Variants in GABRG3 observed in about 807,000 individuals in gnomAD.
The protein encoded by GABRG3 is gamma-aminobutyric acid type A receptor subunit gamma3.
A neutral mutation model predicts 48.8 loss-of-function variants in GABRG3; 25 were observed. That is an observed-to-expected ratio of 0.51 (90% CI 0.37 to 0.72). GABRG3 has a LOEUF of 0.72. Among genes scored for constraint, GABRG3 ranks in the 30% least tolerant of loss-of-function variants. The pLI, the probability that GABRG3 is intolerant of heterozygous loss-of-function variation, is 0.00. For missense variants in GABRG3, 394 were observed against 577.9 expected, an observed-to-expected ratio of 0.68 and a Z score of 3.26; for synonymous variants, 227 against 217.6, an observed-to-expected ratio of 1.04 and a Z score of -0.38.
intron 3 of GABRG3, among the ~76,000 whole-genome samples, chr15:27,152,782 T>C (rs1254399027): frequency 6.6e-6 from 1 of 152,210 alleles, no homozygotes; most frequent in African/African-American, 2.4e-5. Flanking sequence ...TCAGCAATTA[T>C]TTGACACCAG....
intron 5 of GABRG3, among the ~76,000 whole-genome samples, chr15:27,453,374 T>C (rs912652824): frequency 5.3e-5 from 8 of 152,160 alleles, no homozygotes; most frequent in African/African-American, 1.9e-4. Context: ...GCAATGTATA[T>C]CAAAATCTCA....
rs1239769788 is a variant in GABRG3, at chr15:27,534,514, C to A, written c.*1633C>A. ...CTTTGGCATTGTTAAAATTTGAAAC[C>A]AGAATCTCTGTGCTTCTCATCTTTC... On this transcript the variant is annotated 3_prime_UTR_variant, in exon 10 of 10. Transcript: ENST00000615808. 6.6e-6 allele frequency: 1 copy of A among 152,180 alleles called. No homozygotes were observed. The highest frequency in any genetic ancestry group is 1.9e-4 in the East Asian group (1 of 5,194). The allele number at this position is 152,180 out of a possible 1,614,324, so 9.4% of individuals were successfully genotyped here.
rs1337303044 is a variant in GABRG3 at position 27,236,320 on chromosome 15, T to G, written c.271-90489T>G. Among the ~76,000 whole-genome samples, 2 of 152,084 alleles carry G rather than the reference T, an allele frequency of 1.3e-5. No individual in the cohort carries two copies. The highest frequency in any genetic ancestry group is 4.8e-5 in the African/African-American group (2 of 41,394). ...GGGAGACTGAAGAGCAGAGCTGAGC[T>G]TCTGAGAAATAAGCATCAAATGCTA... On this transcript the variant is annotated intron_variant, in intron 3 of 9. Coordinates refer to ENST00000615808, the MANE Select transcript of GABRG3 (RefSeq NM_033223.5). The surrounding 1 kb of genome is among the most constrained non-coding windows in gnomAD (Gnocchi z 4.4).
At chr15:27,317,784 G>GT (rs145104959) in intron 3 of GABRG3, among the ~76,000 whole-genome samples, 3,034 of 152,144 alleles carry the variant, frequency 0.02, 101 homozygotes, top group African/African-American at 0.068. Flanking sequence ...TGATTGAGAG[G>GT]TTTTTTCAAG....
intron 5 of GABRG3, among the ~76,000 whole-genome samples, chr15:27,462,321 G>A (rs1037640454): frequency 5.9e-5 from 9 of 152,160 alleles, no homozygotes; most frequent in African/African-American, 2.2e-4. Flanking sequence ...TATTTCTGCA[G>A]CATTTAGAAA....
chr15:27,329,204 C>G (rs1175718772), intron 5 of GABRG3, among the ~76,000 whole-genome samples: 1 of 152,152 alleles, frequency 6.6e-6, no homozygotes, highest in Non-Finnish European at 1.5e-5. Flanking sequence ...TGGAAGTATA[C>G]AAAATTCCTA....
At chr15:27,172,376 T>C (rs1319207187) in intron 3 of GABRG3, among the ~76,000 whole-genome samples, 1 of 151,938 alleles carries the variant, frequency 6.6e-6, no homozygotes, top group Admixed American at 6.6e-5. Flanking sequence ...GGCTCTAGAG[T>C]TCCTCTGGGG....
chr15:27,092,019 A>T (rs189828248), intron 3 of GABRG3, among the ~76,000 whole-genome samples: 1 of 152,244 alleles, frequency 6.6e-6, no homozygotes, highest in East Asian at 1.9e-4. Context: ...CTGCTCCACC[A>T]CTTTTGCTGA....
intron 3 of GABRG3, among the ~76,000 whole-genome samples, chr15:27,050,391 C>G (rs1036348016): frequency 1.3e-5 from 2 of 152,182 alleles, no homozygotes; most frequent in African/African-American, 4.8e-5. Flanking sequence ...GTCCCTTTCT[C>G]GCAGGCACAG....
chr15:26,986,360 TA>T (rs1226588423), intron 2 of GABRG3, among the ~76,000 whole-genome samples: 1 of 152,200 alleles, frequency 6.6e-6, no homozygotes. Context: ...AGGTGGAGAA[TA>T]AATTTTGTAG....
chr15:27,171,492 T>A (rs1005054947), intron 3 of GABRG3, among the ~76,000 whole-genome samples: 1 of 136,432 alleles, frequency 7.3e-6, no homozygotes, highest in Non-Finnish European at 1.5e-5. Context: ...AAATTGTGTG[T>A]GTGTGCATGT....
intron 3 of GABRG3, among the ~76,000 whole-genome samples, chr15:27,057,582 G>A (rs1297686840): frequency 6.6e-6 from 1 of 152,144 alleles, no homozygotes; most frequent in Non-Finnish European, 1.5e-5. Flanking sequence ...CCCTGGAAAG[G>A]CCTCTGGGCT....
intron 3 of GABRG3, among the ~76,000 whole-genome samples, chr15:27,211,115 C>T (rs532527512): frequency 1.4e-3 from 219 of 152,228 alleles, no homozygotes; most frequent in Middle Eastern, 6.8e-3. Flanking sequence ...GAGGAAACAC[C>T]GCTGCTTGGC....
intron 3 of GABRG3, among the ~76,000 whole-genome samples, chr15:27,070,943 G>A (rs1227151228): frequency 1.3e-5 from 2 of 152,166 alleles, no homozygotes; most frequent in African/African-American, 2.4e-5. Flanking sequence ...ACGGGACTGC[G>A]AGGTCCTCTC....
intron 6 of GABRG3, among the ~76,000 whole-genome samples, chr15:27,507,690 G>T (rs1171477588): frequency 6.6e-6 from 1 of 151,992 alleles, no homozygotes; most frequent in East Asian, 1.9e-4. Context: ...TGATACGATT[G>T]TTCAAGTCTT....
intron 5 of GABRG3, among the ~76,000 whole-genome samples, chr15:27,379,291 T>G (rs969434245): frequency 1.3e-5 from 2 of 152,242 alleles, no homozygotes; most frequent in Admixed American, 6.5e-5. Context: ...AAATCCACTT[T>G]CAAATAACAC....
chr15:27,134,588 C>T (rs1595543798), intron 3 of GABRG3, among the ~76,000 whole-genome samples: 1 of 152,230 alleles, frequency 6.6e-6, no homozygotes, highest in East Asian at 1.9e-4. Flanking sequence ...CTAGTCCCAC[C>T]CATGCCCGGC....
chr15:27,407,877 A>C (rs1475364449), intron 5 of GABRG3, among the ~76,000 whole-genome samples: 1 of 152,214 alleles, frequency 6.6e-6, no homozygotes, highest in Non-Finnish European at 1.5e-5. Context: ...ACTCTGTACG[A>C]TATTACAATA....
chr15:27,075,128 A>AT (rs1232433361), intron 3 of GABRG3, among the ~76,000 whole-genome samples: 4 of 152,170 alleles, frequency 2.6e-5, no homozygotes, highest in African/African-American at 2.4e-5. Flanking sequence ...GATATTGGTG[A>AT]TTTTTTTCTC....
Sources: allele counts gnomAD v4.1 joint callset (sites outside exome capture counted in the v4.1 genomes callset), GRCh38; gene constraint gnomAD v4.1.1; non-coding constraint Gnocchi (gnomAD v3.1); transcripts MANE v1.5; gene names NCBI Gene and HGNC (gene_info 2026-07-23, HGNC 2026-07-21).